Variants in CRACD observed in about 807,000 individuals in gnomAD.
CRACD encodes capping protein inhibiting regulator of actin dynamics.
CRACD carries 56 observed loss-of-function variants against 106.8 expected under a neutral mutation model. That is an observed-to-expected ratio of 0.52 (90% CI 0.42 to 0.66). CRACD has a LOEUF of 0.66. CRACD is among the 30% of genes least tolerant of loss of function. The pLI is 0.00. For synonymous variants in CRACD, 754 were observed against 670.8 expected, an observed-to-expected ratio of 1.12 and a Z score of -1.92; for missense variants, 1,730 against 1,623.2, an observed-to-expected ratio of 1.07 and a Z score of -1.13.
At chr4:56,094,976 T>G (rs909173288) in intron 1 of CRACD, among the ~76,000 whole-genome samples, 1 of 152,230 alleles carries the variant, frequency 6.6e-6, no homozygotes, top group Non-Finnish European at 1.5e-5. Context: ...GTATTTAAAA[T>G]CCCTTTTGTA....
chr4:56,222,188 A>G (rs1000439851), intron 2 of CRACD, among the ~76,000 whole-genome samples: 23 of 152,344 alleles, frequency 1.5e-4, no homozygotes, highest in African/African-American at 5.5e-4. Context: ...GTATATATAC[A>G]TATCACAGAA....
chr4:56,274,013 C>G (rs580335), intron 3 of CRACD, among the ~76,000 whole-genome samples: 136,522 of 152,284 alleles, frequency 0.9, 61,308 homozygotes, highest in African/African-American at 0.93. Flanking sequence ...CAAATATTCA[C>G]CAACAGCATT....
intron 1 of CRACD, among the ~76,000 whole-genome samples, chr4:56,094,769 A>C (rs1733539071): frequency 6.6e-6 from 1 of 152,194 alleles, no homozygotes; most frequent in African/African-American, 2.4e-5. Flanking sequence ...ATTATCTGAC[A>C]GATCTTATAA....
intron 1 of CRACD, among the ~76,000 whole-genome samples, chr4:56,159,869 C>T (rs1235437255): frequency 2.6e-5 from 4 of 151,360 alleles, no homozygotes; most frequent in Non-Finnish European, 5.9e-5. Context: ...GAAACCTCCA[C>T]CTCCCGGGTT....
intron 1 of CRACD, among the ~76,000 whole-genome samples, chr4:56,163,829 T>C (rs1199374747): frequency 6.6e-6 from 1 of 152,100 alleles, no homozygotes; most frequent in Non-Finnish European, 1.5e-5. Flanking sequence ...TACTGCAACC[T>C]CTGCCTCCTG....
At chr4:56,269,631 T>A (rs1742232213) in intron 2 of CRACD, among the ~76,000 whole-genome samples, 2 of 149,920 alleles carry the variant, frequency 1.3e-5, no homozygotes, top group African/African-American at 4.9e-5. Context: ...AGTGGCATGA[T>A]CTCTGCTCAC....
intron 1 of CRACD, among the ~76,000 whole-genome samples, chr4:56,163,350 A>T (rs552508586): frequency 9.9e-5 from 15 of 152,282 alleles, no homozygotes; most frequent in African/African-American, 3.6e-4. Context: ...TACAGCACAG[A>T]TGTGCAGATT....
intron 3 of CRACD, among the ~76,000 whole-genome samples, chr4:56,279,635 C>T (rs974063086): frequency 1.3e-5 from 2 of 152,124 alleles, no homozygotes; most frequent in African/African-American, 2.4e-5. Context: ...ATTAAAAAGT[C>T]AGGAAACAAC....
intron 3 of CRACD, among the ~76,000 whole-genome samples, chr4:56,273,542 G>A (rs898928925): frequency 2.0e-5 from 3 of 152,074 alleles, no homozygotes; most frequent in African/African-American, 7.2e-5. Flanking sequence ...TGAGTGCTTG[G>A]AATTGAAGTC....
chr4:56,238,820 C>G (rs182810222), intron 2 of CRACD, among the ~76,000 whole-genome samples: 182 of 152,278 alleles, frequency 1.2e-3, no homozygotes, highest in African/African-American at 4.1e-3. Flanking sequence ...TTGAAAATAT[C>G]TGTACCTGTG....
chr4:56,271,608 C>A (rs889306441), intron 2 of CRACD, among the ~76,000 whole-genome samples: 1 of 152,016 alleles, frequency 6.6e-6, no homozygotes, highest in Non-Finnish European at 1.5e-5. Flanking sequence ...AAGTGTTTTT[C>A]TCAGCCTCTT....
intron 6 of CRACD, among the ~76,000 whole-genome samples, chr4:56,312,586 T>C (rs1197424706): frequency 6.6e-6 from 1 of 152,146 alleles, no homozygotes; most frequent in African/African-American, 2.4e-5. Flanking sequence ...GCTACGTGGG[T>C]GTAAAGGGTA....
At chr4:56,071,788 G>A (rs112622186) in intron 1 of CRACD, among the ~76,000 whole-genome samples, 4,381 of 151,726 alleles carry the variant, frequency 0.029, 130 homozygotes, top group East Asian at 0.078. Flanking sequence ...TGGGATTACA[G>A]GCTTCAGCCA....
At chr4:56,232,785 C>T (rs1043825784) in intron 2 of CRACD, among the ~76,000 whole-genome samples, 12 of 151,362 alleles carry the variant, frequency 7.9e-5, no homozygotes, top group East Asian at 7.7e-4. Flanking sequence ...AGTGCAGTGG[C>T]GCGATCTCGG....
intron 8 of CRACD, among the ~76,000 whole-genome samples, chr4:56,318,492 A>G (rs77664086): frequency 2.9e-3 from 448 of 152,256 alleles, no homozygotes; most frequent in African/African-American, 0.011. Flanking sequence ...CTCGTCTGCT[A>G]TGTCACTTGC....
intron 1 of CRACD, among the ~76,000 whole-genome samples, chr4:56,071,635 G>A (rs1039576851): frequency 2.0e-5 from 3 of 151,634 alleles, no homozygotes; most frequent in African/African-American, 7.3e-5. Context: ...TCAGCCTCCT[G>A]AGTAGCTGGT....
rs570391891 is a variant in CRACD, at chr4:56,198,586, G to A, written c.-189+19156G>A. Among the ~76,000 whole-genome samples, 4 of 152,280 alleles carry A rather than the reference G, an allele frequency of 2.6e-5. No individual in the cohort carries two copies. The South Asian group carries it at 8.3e-4, about 32-fold the overall frequency. On this transcript the variant is annotated intron_variant, in intron 2 of 10. Coordinates refer to ENST00000682029, the MANE Select transcript of CRACD (RefSeq NM_001393381.1). ...CCAGAGAAGAGGTCTTATTCTCTATGTATGAGAGTTTTATTATCTACTGTG... is the reference window on the plus strand; with the variant it reads ...CCAGAGAAGAGGTCTTATTCTCTATATATGAGAGTTTTATTATCTACTGTG...
chr4:56,130,267 A>G (rs1385813960), intron 1 of CRACD, among the ~76,000 whole-genome samples: 1 of 152,164 alleles, frequency 6.6e-6, no homozygotes, highest in African/African-American at 2.4e-5. Flanking sequence ...CTGTCTCAAA[A>G]AAAACCCCTA....
chr4:56,238,567 A>AAAAT (rs1740136901), intron 2 of CRACD, among the ~76,000 whole-genome samples: 2 of 152,240 alleles, frequency 1.3e-5, no homozygotes, highest in African/African-American at 2.4e-5. Flanking sequence ...TCATTGTAGG[A>AAAAT]ACATGGAGAG....
Sources: allele counts gnomAD v4.1 joint callset (sites outside exome capture counted in the v4.1 genomes callset), GRCh38; gene constraint gnomAD v4.1.1; transcripts MANE v1.5; gene names NCBI Gene and HGNC (gene_info 2026-07-23, HGNC 2026-07-21).